The following GNAO1 variants were observed in gnomAD, a reference collection of about 807,000 sequenced individuals.
GNAO1 encodes guanine nucleotide-binding protein G(o) subunit alpha.
For missense variants in GNAO1, 166 were observed against 478.7 expected (o/e 0.35, Z 6.10); for synonymous variants, 164 against 180.7 (o/e 0.91, Z 0.74).
At chr16:56,337,065 T>C (rs1341361231) in intron 6 of GNAO1, among the ~76,000 whole-genome samples, 3 of 152,226 alleles carry the variant, frequency 2.0e-5, no homozygotes, top group African/African-American at 7.2e-5. Context: ...ATGATGCCAG[T>C]GTGGCAGAGC....
At chr16:56,334,120 C>A (rs1172567246) in intron 4 of GNAO1, among the ~76,000 whole-genome samples, 1 of 152,298 alleles carries the variant, frequency 6.6e-6, no homozygotes, top group East Asian at 1.9e-4. Flanking sequence ...GAGGCCCAGC[C>A]GCTGTATGGC....
At chr16:56,285,787 C>T (rs1567469362) in intron 3 of GNAO1, among the ~76,000 whole-genome samples, 1 of 152,336 alleles carries the variant, frequency 6.6e-6, no homozygotes, top group South Asian at 2.1e-4. Context: ...GCAGTGCTGG[C>T]CCTGTGGTCC....
intron 2 of GNAO1, among the ~76,000 whole-genome samples, chr16:56,254,086 A>C (rs917834759): frequency 2.3e-4 from 35 of 152,228 alleles, no homozygotes; most frequent in Non-Finnish European, 1.5e-5. Flanking sequence ...TAATTAAAAA[A>C]ATAAACATAT....
intron 6 of GNAO1, among the ~76,000 whole-genome samples, chr16:56,341,360 G>C (rs116077463): frequency 0.013 from 1,921 of 152,328 alleles, 39 homozygotes; most frequent in African/African-American, 0.043. Flanking sequence ...CCCCAGCTCC[G>C]CCACTCACAA....
intron 6 of GNAO1, chr16:56,343,842 CT>C: frequency 6.2e-7 from 1 of 1,613,838 alleles, no homozygotes; most frequent in South Asian, 1.1e-5. Context: ...ACAAAGAGAT[CT>C]ACACCCACGT....
intron 2 of GNAO1, among the ~76,000 whole-genome samples, chr16:56,226,146 AG>A (rs1186905535): frequency 8.5e-5 from 13 of 152,162 alleles, no homozygotes; most frequent in African/African-American, 3.1e-4. Context: ...GGGGCAAGAG[AG>A]GGAGCAGGGA....
At chr16:56,347,718 G>C in intron 6 of GNAO1, 1 of 985,506 alleles carries the variant, frequency 1.0e-6, no homozygotes, top group South Asian at 4.7e-5. Flanking sequence ...ACCACTTCCT[G>C]GCAGTGCAGC....
Position 56,340,463 on chromosome 16 carries a change from C to T in GNAO1, c.723+3603C>T, listed in dbSNP as rs1216143814. 7 of 199,918 alleles carry T rather than the reference C, an allele frequency of 3.5e-5. No individual in the cohort carries two copies. The South Asian group carries it at 4.1e-4, about 12-fold the overall frequency. The allele number at this position is 199,918 out of a possible 1,614,324, so 12.4% of individuals were successfully genotyped here. A position where few individuals can be genotyped will look rare whatever the true frequency, so the allele number is the denominator to read the frequency against. ...AGAAATCTGCATGAGCAGGGTTCCG[C>T]GCAGATGCGTTCGGTGGTGGTTGCG... On this transcript the variant is annotated intron_variant, in intron 6 of 8. Transcript: ENST00000262493.
intron 3 of GNAO1, among the ~76,000 whole-genome samples, chr16:56,279,617 T>C (rs1193961519): frequency 6.6e-6 from 1 of 152,160 alleles, no homozygotes; most frequent in Non-Finnish European, 1.5e-5. Context: ...CCCTTTTCCT[T>C]CCCTGAGGAA....
At position 56,351,535 on chromosome 16, in the gene GNAO1, C is replaced by T. The variant is rs2037921244; in HGVS notation, c.875C>T (p.Thr292Ile). 1 of 1,610,944 alleles carries T rather than the reference C, an allele frequency of 6.2e-7. No individual in the cohort carries two copies. The highest frequency in any genetic ancestry group is 1.3e-5 in the African/African-American group (1 of 74,916). The change falls in exon 7 of 9, where the codon ACA becomes ATA. Residue 292 changes from threonine (T) to isoleucine (I), a missense_variant and splice_region_variant. Thr to Ile is a moderately conservative substitution (Grantham distance 89). Coordinates refer to ENST00000262493, the MANE Select transcript of GNAO1 (RefSeq NM_020988.3). The surrounding 1 kb of genome is among the most constrained non-coding windows in gnomAD (Gnocchi z 6.1). ...SPLTICFPEY[T>I]GPNTYEDAAA... Reference sequence around the variant, plus strand: ...TTGACCATCTGCTTTCCTGAATACACAGGTGGGTGCCAGGCAGTCCTGTGC... The same window carrying T: ...TTGACCATCTGCTTTCCTGAATACATAGGTGGGTGCCAGGCAGTCCTGTGC...
chr16:56,209,805 C>T (rs1225617587), intron 2 of GNAO1, among the ~76,000 whole-genome samples: 1 of 151,994 alleles, frequency 6.6e-6, no homozygotes, highest in East Asian at 1.9e-4. Context: ...CCCATACGTC[C>T]CTCCCCACAC....
chr16:56,274,715 G>A (rs1478708441), intron 2 of GNAO1, among the ~76,000 whole-genome samples: 8 of 152,188 alleles, frequency 5.3e-5, no homozygotes, highest in Admixed American at 2.6e-4. Flanking sequence ...CAGAATAGCC[G>A]AATTTATAGA....
intron 2 of GNAO1, among the ~76,000 whole-genome samples, chr16:56,217,954 T>A (rs2036450417): frequency 6.6e-6 from 1 of 152,220 alleles, no homozygotes; most frequent in Non-Finnish European, 1.5e-5. Flanking sequence ...GGACAGAGAA[T>A]GTGCTGTGTA....
intron 2 of GNAO1, among the ~76,000 whole-genome samples, chr16:56,195,024 G>C (rs6499829): frequency 1.4e-3 from 205 of 150,090 alleles, no homozygotes; most frequent in African/African-American, 4.5e-3. Context: ...TGATGTTTGA[G>C]ATTGTTAAAT....
chr16:56,225,549 A>G (rs1208390639), intron 2 of GNAO1, among the ~76,000 whole-genome samples: 1 of 152,224 alleles, frequency 6.6e-6, no homozygotes, highest in Admixed American at 6.5e-5. Context: ...CCAAGTCAAC[A>G]TCTGTGTGTG....
intron 2 of GNAO1, among the ~76,000 whole-genome samples, chr16:56,204,550 C>T (rs1369548495): frequency 6.6e-6 from 1 of 152,074 alleles, no homozygotes. Flanking sequence ...TAGCAGGAGG[C>T]AAACCCAGAG....
At chr16:56,198,835 G>A (rs984489423) in intron 2 of GNAO1, among the ~76,000 whole-genome samples, 2 of 152,198 alleles carry the variant, frequency 1.3e-5, no homozygotes, top group East Asian at 1.9e-4. Context: ...GGGGGGTGCT[G>A]TGGTTCATGT....
chr16:56,248,699 A>G (rs58068267), intron 2 of GNAO1, among the ~76,000 whole-genome samples: 1,809 of 152,304 alleles, frequency 0.012, 41 homozygotes, highest in African/African-American at 0.042. Context: ...GTGAGGGAAG[A>G]GTGTTCTAGG....
At chr16:56,352,399 C>A (rs958855995) in intron 7 of GNAO1, 1 of 152,394 alleles carries the variant, frequency 6.6e-6, no homozygotes, top group African/African-American at 2.4e-5. Flanking sequence ...AGCCCTGGTC[C>A]CTCTAGGGGC....
Sources: allele counts gnomAD v4.1 joint callset (sites outside exome capture counted in the v4.1 genomes callset), GRCh38; gene constraint gnomAD v4.1.1; non-coding constraint Gnocchi (gnomAD v3.1); transcripts MANE v1.5; gene names NCBI Gene and HGNC (gene_info 2026-07-23, HGNC 2026-07-21).